Variants in FPR2 observed in about 807,000 individuals in gnomAD.
The protein encoded by FPR2 is formyl peptide receptor 2.
FPR2 carries 3 observed loss-of-function variants against 4.0 expected under a neutral mutation model. That is an observed-to-expected ratio of 0.74 (90% CI 0.34 to 1.92). The LOEUF (loss-of-function observed/expected upper bound fraction) is 1.92, where lower values mean the gene tolerates loss of function less well. Ranked by LOEUF, FPR2 falls within the 30% of genes most tolerant of loss-of-function variation. FPR2 has a pLI of 0.07. For missense variants in FPR2, 372 were observed against 435.7 expected (o/e 0.85, Z 1.30); for synonymous variants, 179 against 171.5 (o/e 1.04, Z -0.34).
chr19:51,763,759 G>GTTGA (rs2083853258), intron 1 of FPR2, among the ~76,000 whole-genome samples: 1 of 152,090 alleles, frequency 6.6e-6, no homozygotes, highest in Non-Finnish European at 1.5e-5. Flanking sequence ...TAGTTTTGTT[G>GTTGA]TTGTTTGTTT....
Position 51,769,832 on chromosome 19 carries a change from G to T in FPR2, c.*118G>T. 1.2e-6 allele frequency: 1 copy of T among 828,048 alleles called. No homozygotes were observed. Among genetic ancestry groups the T allele is most frequent in the South Asian group, 1.8e-5 (1 of 55,272 alleles). 51.3% of individuals were successfully genotyped at this position (828,048 alleles called of 1,614,324 possible). On this transcript the variant is annotated 3_prime_UTR_variant, in exon 2 of 2. Coordinates refer to ENST00000340023, the MANE Select transcript of FPR2 (RefSeq NM_001005738.2). This position sits in a 1 kb window ranked among gnomAD's most constrained non-coding sequence, Gnocchi z 4.4. Reference sequence around the variant, plus strand: ...GATGCACAGCTCAAGTATTTATTCAGGAAAAATGCTTTTGTGTCCCTGATT... The same window carrying T: ...GATGCACAGCTCAAGTATTTATTCATGAAAAATGCTTTTGTGTCCCTGATT...
intron 1 of FPR2, among the ~76,000 whole-genome samples, chr19:51,767,824 C>A (rs947303956): frequency 1.3e-5 from 2 of 152,060 alleles, no homozygotes; most frequent in Admixed American, 1.3e-4. Flanking sequence ...ATAGGCCAAA[C>A]CGGATCCCAT....
chr19:51,761,997 G>C (rs1017282381), intron 1 of FPR2, among the ~76,000 whole-genome samples: 2 of 152,126 alleles, frequency 1.3e-5, no homozygotes, highest in Admixed American at 1.3e-4. Flanking sequence ...CAGGTCCAGG[G>C]GTACTTGAGG....
In FPR2 at chr19:51,768,785, G is replaced by C. The variant is rs771532073; in HGVS notation, c.127G>C (p.Gly43Arg). ...GGTCACCTTTGTCCTCGGGGTCCTG[G>C]GCAATGGGCTTGTGATCTGGGTGGC... is the stretch of plus-strand genomic sequence containing the variant. ...LGVTFVLGVL[G>R]NGLVIWVAGF... The change falls in exon 2 of 2, where the codon GGC (glycine) becomes CGC (arginine). Residue 43 changes from glycine to arginine, a missense_variant. Gly to Arg is a moderately radical substitution (Grantham distance 125). Transcript: ENST00000340023. The C allele has an allele frequency of 6.2e-7, 1 of 1,614,110 alleles. No homozygotes were observed. The highest frequency in any genetic ancestry group is 8.5e-7 in the Non-Finnish European group (1 of 1,180,040).
At chr19:51,762,394 CTTTTT>C in intron 1 of FPR2, 1 of 115,714 alleles carries the variant, frequency 8.6e-6, no homozygotes, top group Non-Finnish European at 1.8e-5. Flanking sequence ...CCTTATTGGA[CTTTTT>C]TTTTTTTTTT....
At chr19:51,761,660 G>T (rs1046580200) in intron 1 of FPR2, among the ~76,000 whole-genome samples, 2 of 152,216 alleles carry the variant, frequency 1.3e-5, no homozygotes, top group Non-Finnish European at 2.9e-5. Flanking sequence ...AGGCGTAGTG[G>T]TGGGAGCCTG....
intron 1 of FPR2, among the ~76,000 whole-genome samples, chr19:51,762,181 G>A (rs938189424): frequency 3.3e-5 from 5 of 151,392 alleles, no homozygotes; most frequent in Non-Finnish European, 5.9e-5. Context: ...TGCCTCTCAG[G>A]GTCAAGCGAT....
At chr19:51,767,326 T>G (rs1238414486) in intron 1 of FPR2, among the ~76,000 whole-genome samples, 1 of 152,174 alleles carries the variant, frequency 6.6e-6, no homozygotes, top group East Asian at 1.9e-4. Flanking sequence ...ATACAAATAT[T>G]ACAGATGTGA....
chr19:51,765,509 T>C (rs1207994778), intron 1 of FPR2, among the ~76,000 whole-genome samples: 2 of 152,154 alleles, frequency 1.3e-5, no homozygotes, highest in Admixed American at 1.3e-4. Context: ...GTCTCAGGAG[T>C]GCTCAGTGTT....
At chr19:51,764,559 G>A (rs915865644) in intron 1 of FPR2, among the ~76,000 whole-genome samples, 4 of 152,084 alleles carry the variant, frequency 2.6e-5, no homozygotes, top group Admixed American at 6.6e-5. Flanking sequence ...AGTCACTTCC[G>A]CTCTCTGAGC....
intron 1 of FPR2, among the ~76,000 whole-genome samples, chr19:51,761,823 G>C (rs2122350725): frequency 6.6e-6 from 1 of 152,284 alleles, no homozygotes; most frequent in Non-Finnish European, 1.5e-5. Flanking sequence ...AAGGAGCCAA[G>C]TGTGAGGAGC....
chr19:51,764,768 T>A (rs1250542291), intron 1 of FPR2, among the ~76,000 whole-genome samples: 4 of 152,154 alleles, frequency 2.6e-5, no homozygotes, highest in Non-Finnish European at 4.4e-5. Context: ...AACTTTGCAA[T>A]TTTTGCCTTG....
At position 51,768,737 on chromosome 19, in the gene FPR2, A is replaced by C. The variant is rs372491689; in HGVS notation, c.79A>C (p.Ile27Leu). ...YESAGYTVLR[I>L]LPLVVLGVTF... Reference sequence around the variant, plus strand: ...GTCTGCTGGCTACACTGTTCTGCGGATCCTCCCATTGGTGGTGCTTGGGGT... The same window carrying C: ...GTCTGCTGGCTACACTGTTCTGCGGCTCCTCCCATTGGTGGTGCTTGGGGT... The change falls in exon 2 of 2, where the codon ATC becomes CTC. Residue 27 changes from isoleucine (I) to leucine (L), a missense_variant. Coordinates refer to ENST00000340023, the MANE Select transcript of FPR2 (RefSeq NM_001005738.2). 2.9e-5 allele frequency: 46 copies of C among 1,613,956 alleles called. No individual in the cohort carries two copies. The highest frequency in any genetic ancestry group is 3.8e-5 in the Non-Finnish European group (45 of 1,180,018).
intron 1 of FPR2, among the ~76,000 whole-genome samples, chr19:51,761,943 T>C (rs911738684): frequency 1.3e-5 from 2 of 152,142 alleles, no homozygotes; most frequent in African/African-American, 4.8e-5. Flanking sequence ...GAGCCCAGTG[T>C]GTCCCACGAG....
chr19:51,763,294 G>C (rs960674177), intron 1 of FPR2: 10 of 152,170 alleles, frequency 6.6e-5, no homozygotes. Flanking sequence ...ACTGAAAAGC[G>C]GTGGCCAATT....
At chr19:51,767,729 T>C (rs982297451) in intron 1 of FPR2, among the ~76,000 whole-genome samples, 1 of 152,044 alleles carries the variant, frequency 6.6e-6, no homozygotes, top group African/African-American at 2.4e-5. Flanking sequence ...ACTACCTAAG[T>C]GACCTTCAAC....
In FPR2 at chr19:51,768,724, C is replaced by T. The variant is rs752750282; in HGVS notation, c.66C>T (p.Tyr22=). 2.6e-5 allele frequency: 42 copies of T among 1,614,048 alleles called. No homozygotes were observed. Among genetic ancestry groups the T allele is most frequent in the Non-Finnish European group, 3.2e-5 (38 of 1,180,020 alleles). ...AAGTGTCCTATGAGTCTGCTGGCTA[C>T]ACTGTTCTGCGGATCCTCCCATTGG... ...YEEVSYESAG[Y]TVLRILPLVV... Residue 22 remains tyrosine (Y), a synonymous_variant, in exon 2 of 2, where the codon TAC becomes TAT. Transcript: ENST00000340023.
Position 51,761,694 on chromosome 19 carries a change from G to A in FPR2, c.-15+464G>A, listed in dbSNP as rs570700047. On this transcript the variant is annotated intron_variant, in intron 1 of 1. Coordinates refer to ENST00000340023, the MANE Select transcript of FPR2 (RefSeq NM_001005738.2). Reference sequence around the variant, plus strand: ...TGTAATCCCAGCTACTCAGGAGGCTGAGGCAGGAGAATCGCTTGAACCTAG... The same window carrying A: ...TGTAATCCCAGCTACTCAGGAGGCTAAGGCAGGAGAATCGCTTGAACCTAG... Among the ~76,000 whole-genome samples the A allele has an allele frequency of 2.0e-5, 3 of 152,304 alleles. No homozygotes were observed. The South Asian group carries it at 6.2e-4, about 32-fold the overall frequency.
At position 51,768,752 on chromosome 19, in the gene FPR2, G is replaced by T; in HGVS notation, c.94G>T (p.Val32Leu). 6.2e-7 allele frequency: 1 copy of T among 1,614,166 alleles called. No homozygotes were observed. Among genetic ancestry groups the T allele is most frequent in the South Asian group, 1.1e-5 (1 of 91,074 alleles). Residue 32 changes from valine to leucine, a missense_variant, in exon 2 of 2, where the codon GTG (valine) becomes TTG (leucine). Val to Leu is a conservative substitution (Grantham distance 32). Transcript: ENST00000340023. ...YTVLRILPLV[V>L]LGVTFVLGVL... ...TGTTCTGCGGATCCTCCCATTGGTGGTGCTTGGGGTCACCTTTGTCCTCGG... is the reference window on the plus strand; with the variant it reads ...TGTTCTGCGGATCCTCCCATTGGTGTTGCTTGGGGTCACCTTTGTCCTCGG...
Sources: gnomAD v4.1 joint callset for allele counts (sites outside exome capture counted in the v4.1 genomes callset) on GRCh38, gnomAD v4.1.1 for gene constraint, Gnocchi (gnomAD v3.1) non-coding constraint, MANE v1.5 for transcripts, NCBI Gene and HGNC (gene_info 2026-07-23, HGNC 2026-07-21) for gene names.